ADARB2: variants seen among roughly 807,000 people sequenced by gnomAD.
ADARB2 encodes adenosine deaminase RNA specific B2 (inactive), also known as inactive double-stranded RNA-specific editase B2.
ADARB2 carries 25 observed loss-of-function variants against 62.2 expected under a neutral mutation model. The ratio of observed to expected loss-of-function variants is 0.40; its 90% CI spans 0.29 to 0.56. The LOEUF is 0.56. Among genes scored for constraint, ADARB2 ranks in the 20% least tolerant of loss-of-function variants. The pLI, the probability that ADARB2 is intolerant of heterozygous loss-of-function variation, is 0.43. For missense variants in ADARB2, 1,071 were observed against 1,077.4 expected (o/e 0.99, Z 0.08); for synonymous variants, 572 against 500.8 (o/e 1.14, Z -1.90).
chr10:1,440,013 G>A (rs930657833), intron 1 of ADARB2, among the ~76,000 whole-genome samples: 1 of 150,860 alleles, frequency 6.6e-6, no homozygotes, highest in Non-Finnish European at 1.5e-5. Context: ...CAGGACTGAG[G>A]CAGGTCCTTC....
intron 1 of ADARB2, among the ~76,000 whole-genome samples, chr10:1,645,738 C>A (rs1052277651): frequency 6.6e-6 from 1 of 152,054 alleles, no homozygotes; most frequent in Non-Finnish European, 1.5e-5. Context: ...ATCTCCATCA[C>A]GAAACTCTGC....
chr10:1,394,900 C>T lies in ADARB2; in HGVS notation c.101-15740G>A, dbSNP rs192631450. ...TTTCTTTTCTTTTCTTTTCTTCCTC[C>T]CTCCTCCTCCTTCTTCTTCCTCTCT... is the stretch of plus-strand genomic sequence containing the variant. On this transcript the variant is annotated intron_variant, in intron 1 of 9. Coordinates refer to ENST00000381312, the MANE Select transcript of ADARB2 (RefSeq NM_018702.4). The T allele has an allele frequency of 1.8e-5, 8 of 456,662 alleles. No homozygotes were observed. In the East Asian group the frequency reaches 4.9e-4, roughly 28 times the overall value. The allele number at this position is 456,662 out of a possible 1,614,324, so 28.3% of individuals were successfully genotyped here. A position where few individuals can be genotyped will look rare whatever the true frequency, so the allele number is the denominator to read the frequency against.
chr10:1,656,939 T>C (rs1221533478), intron 1 of ADARB2, among the ~76,000 whole-genome samples: 2 of 152,058 alleles, frequency 1.3e-5, no homozygotes, highest in African/African-American at 2.4e-5. Context: ...AAAGATAAGA[T>C]ACTTTAAGTT....
chr10:1,653,485 C>A (rs534243800), intron 1 of ADARB2, among the ~76,000 whole-genome samples: 4 of 95,072 alleles, frequency 4.2e-5, no homozygotes, highest in Non-Finnish European at 6.7e-5. Context: ...TTGGTCAGCG[C>A]TCTCCACCCG....
At chr10:1,610,587 C>T (rs747011981) in intron 1 of ADARB2, among the ~76,000 whole-genome samples, 5 of 152,250 alleles carry the variant, frequency 3.3e-5, no homozygotes, top group Non-Finnish European at 7.4e-5. Context: ...GCTGCTGAGC[C>T]GGGAATAAGG....
Position 1,356,976 on chromosome 10 carries a change from C to T in ADARB2, c.1077+6052G>A, listed in dbSNP as rs111920651. On this transcript the variant is annotated intron_variant, in intron 3 of 9. Transcript: ENST00000381312. Reference sequence around the variant, plus strand: ...ACAGAAATGACGTTCGTTTTAACCCCGGATTCCTGGGCTTTATGGTCAGGA... The same window carrying T: ...ACAGAAATGACGTTCGTTTTAACCCTGGATTCCTGGGCTTTATGGTCAGGA... Among the ~76,000 whole-genome samples the T allele has an allele frequency of 3.6e-3, 549 of 152,318 alleles. 5 individuals are homozygous for T. Among genetic ancestry groups the T allele is most frequent in the African/African-American group, 0.012 (503 of 41,570 alleles).
intron 4 of ADARB2, among the ~76,000 whole-genome samples, chr10:1,259,364 GT>G (rs1831112079): frequency 6.6e-6 from 1 of 152,048 alleles, no homozygotes; most frequent in Non-Finnish European, 1.5e-5. Context: ...CCAGGAGCTG[GT>G]TTTTTGAAAA....
chr10:1,467,565 G>C (rs1043764663), intron 1 of ADARB2, among the ~76,000 whole-genome samples: 1 of 152,138 alleles, frequency 6.6e-6, no homozygotes, highest in African/African-American at 2.4e-5. Flanking sequence ...CAAATCCAAA[G>C]GCACCTGCTG....
At chr10:1,457,350 C>T (rs1831107104) in intron 1 of ADARB2, among the ~76,000 whole-genome samples, 1 of 152,158 alleles carries the variant, frequency 6.6e-6, no homozygotes, top group South Asian at 2.1e-4. Flanking sequence ...TCCGAGTTCG[C>T]TGGGACAAGC....
At chr10:1,515,700 C>T (rs576679600) in intron 1 of ADARB2, among the ~76,000 whole-genome samples, 9 of 152,206 alleles carry the variant, frequency 5.9e-5, no homozygotes, top group Non-Finnish European at 1.2e-4. Flanking sequence ...CAGCCAGAGT[C>T]ACTTAGGTGG....
intron 1 of ADARB2, among the ~76,000 whole-genome samples, chr10:1,735,621 T>C (rs1835290554): frequency 6.6e-6 from 1 of 152,232 alleles, no homozygotes; most frequent in Non-Finnish European, 1.5e-5. Flanking sequence ...GCATTATCTT[T>C]GGAGGACACT....
chr10:1,674,228 G>C (rs913111558), intron 1 of ADARB2, among the ~76,000 whole-genome samples: 1 of 152,192 alleles, frequency 6.6e-6, no homozygotes, highest in Non-Finnish European at 1.5e-5. Context: ...ATTTTTTAAA[G>C]CCTCCAACCC....
intron 1 of ADARB2, among the ~76,000 whole-genome samples, chr10:1,529,394 G>C (rs1465921142): frequency 2.0e-5 from 3 of 152,154 alleles, no homozygotes; most frequent in Non-Finnish European, 4.4e-5. Context: ...GTCCCCCACA[G>C]ATTGAGGGGG....
In ADARB2 at chr10:1,511,132, C is replaced by T. The variant is rs756373808; in HGVS notation, c.101-131972G>A. ...ATGCTGGGATTACAGATGTGGCCAC[C>T]GGGCCTGGCTCCTGTTCTATTGCTT... On this transcript the variant is annotated intron_variant, in intron 1 of 9. Transcript: ENST00000381312. Among the ~76,000 whole-genome samples the T allele has an allele frequency of 4.0e-5, 6 of 151,222 alleles. No homozygotes were observed. The East Asian group carries it at 5.9e-4, about 15-fold the overall frequency.
At chr10:1,220,279 ATGG>A in intron 6 of ADARB2, among the ~76,000 whole-genome samples, 1 of 55,830 alleles carries the variant, frequency 1.8e-5, no homozygotes, top group East Asian at 7.9e-4. Flanking sequence ...GATGATGGTA[ATGG>A]TGATGGTGGT....
intron 6 of ADARB2, among the ~76,000 whole-genome samples, chr10:1,225,231 A>C (rs1830734349): frequency 6.6e-6 from 1 of 152,136 alleles, no homozygotes; most frequent in African/African-American, 2.4e-5. Flanking sequence ...AGAGACTAGG[A>C]TTGCAACCCC....
At position 1,243,902 on chromosome 10, in the gene ADARB2, T is replaced by C. The variant is rs575703839; in HGVS notation, c.1193-1603A>G. 2.9e-4 allele frequency among the ~76,000 whole-genome samples: 41 copies of C among 142,928 alleles called. 1 individual carries two copies. Among genetic ancestry groups the C allele is most frequent in the African/African-American group, 1.2e-3 (38 of 32,694 alleles). 93.8% of individuals were successfully genotyped at this position (142,928 alleles called of 152,430 possible). The stretch of plus-strand genomic sequence containing the variant: ...GTCCTGTTGTCTACCCACTGCCCCC[T>C]CCCTGGTGGGACGGGACTGCTCCTG... On this transcript the variant is annotated intron_variant, in intron 4 of 9. Transcript: ENST00000381312.
chr10:1,431,418 A>AG (rs1222670732), intron 1 of ADARB2, among the ~76,000 whole-genome samples: 1 of 152,216 alleles, frequency 6.6e-6, no homozygotes, highest in Non-Finnish European at 1.5e-5. Flanking sequence ...CACAGTGTTA[A>AG]GACGCAGCTA....
intron 1 of ADARB2, among the ~76,000 whole-genome samples, chr10:1,729,723 A>G (rs888968569): frequency 2.6e-5 from 4 of 152,166 alleles, no homozygotes; most frequent in African/African-American, 9.7e-5. Flanking sequence ...TAGCAACAGT[A>G]AGGACCCTCT....
Sources: allele counts gnomAD v4.1 joint callset (sites outside exome capture counted in the v4.1 genomes callset), GRCh38; gene constraint gnomAD v4.1.1; transcripts MANE v1.5; gene names NCBI Gene and HGNC (gene_info 2026-07-23, HGNC 2026-07-21).